Variants in KCNK2 observed in about 807,000 individuals in gnomAD.
The protein encoded by KCNK2 is potassium two pore domain channel subfamily K member 2.
A neutral mutation model predicts 40.5 loss-of-function variants in KCNK2; 21 were observed. The ratio of observed to expected loss-of-function variants is 0.52; its 90% confidence interval spans 0.37 to 0.75. KCNK2 has a LOEUF of 0.75. Ranked by LOEUF, KCNK2 falls within the 30% of genes least tolerant of loss-of-function variation. The pLI is 0.00. For missense variants in KCNK2, 399 were observed against 531.6 expected, an observed-to-expected ratio of 0.75 and a Z score of 2.45; for synonymous variants, 191 against 202.2, an observed-to-expected ratio of 0.94 and a Z score of 0.47.
upstream of KCNK2, chr1:215,005,834 T>C: frequency 8.3e-7 from 1 of 1,208,582 alleles, no homozygotes; most frequent in South Asian, 1.2e-5. Flanking sequence ...CAAGTGACTC[T>C]GTTTTGGAAA....
intron 1 of KCNK2, among the ~76,000 whole-genome samples, chr1:215,017,860 T>G (rs1454866060): frequency 6.6e-6 from 1 of 152,086 alleles, no homozygotes; most frequent in Non-Finnish European, 1.5e-5. Flanking sequence ...TCAATTAAAG[T>G]AAATAAATAG....
At chr1:215,026,375 A>G (rs921861513) in intron 1 of KCNK2, among the ~76,000 whole-genome samples, 1 of 151,992 alleles carries the variant, frequency 6.6e-6, no homozygotes, top group Non-Finnish European at 1.5e-5. Context: ...TTCCCCAGAA[A>G]TCCTAGTAAA....
At chr1:215,185,377 A>T (rs1486563254) in intron 5 of KCNK2, among the ~76,000 whole-genome samples, 3 of 151,908 alleles carry the variant, frequency 2.0e-5, no homozygotes, top group African/African-American at 7.3e-5. Context: ...GTGTCCAGGG[A>T]GTGTTTTTGG....
chr1:215,007,638 C>A (rs1277960437), intron 1 of KCNK2, among the ~76,000 whole-genome samples: 1 of 152,004 alleles, frequency 6.6e-6, no homozygotes, highest in East Asian at 1.9e-4. Flanking sequence ...CCTTCTGCTG[C>A]CACAAGTAGG....
At chr1:215,082,508 T>G (rs952629736), upstream of KCNK2, among the ~76,000 whole-genome samples, 1 of 151,288 alleles carries the variant, frequency 6.6e-6, no homozygotes, top group Non-Finnish European at 1.5e-5. Context: ...AGAGTGAGGA[T>G]TTTGCGGGGT....
intron 3 of KCNK2, among the ~76,000 whole-genome samples, chr1:215,156,277 G>A (rs1662920926): frequency 6.6e-6 from 1 of 152,202 alleles, no homozygotes; most frequent in African/African-American, 2.4e-5. Flanking sequence ...AGACTGTTCA[G>A]CCAGGAGCAG....
chr1:215,030,589 T>C lies in KCNK2; in HGVS notation c.34+24634T>C, dbSNP rs540138418. ...TCACTCTGTGGCCCAGTCTGGAGTG[T>C]AGCGGTGTGATCATGGATCACTGCA... On this transcript the variant is annotated intron_variant, in intron 1 of 6. Transcript: ENST00000391895. 5.9e-5 allele frequency among the ~76,000 whole-genome samples: 9 copies of C among 151,926 alleles called. No individual in the cohort carries two copies. In the South Asian group the frequency reaches 1.9e-3, roughly 32 times the overall value.
intron 3 of KCNK2, among the ~76,000 whole-genome samples, chr1:215,161,033 C>G (rs1280452414): frequency 6.6e-6 from 1 of 152,126 alleles, no homozygotes; most frequent in East Asian, 1.9e-4. Context: ...ATCCATTACT[C>G]ATATCGGAAC....
chr1:215,067,588 C>T (rs1658602276), intron 1 of KCNK2, among the ~76,000 whole-genome samples: 1 of 152,148 alleles, frequency 6.6e-6, no homozygotes, highest in Admixed American at 6.5e-5. Context: ...AAAAAATCAT[C>T]ACACTTGTTG....
At chr1:215,206,921 G>T (rs923271849) in intron 6 of KCNK2, among the ~76,000 whole-genome samples, 5 of 152,178 alleles carry the variant, frequency 3.3e-5, no homozygotes, top group African/African-American at 1.2e-4. Context: ...TAATCAGACA[G>T]TGCTGCTTCT....
intron 5 of KCNK2, among the ~76,000 whole-genome samples, chr1:215,193,820 A>C (rs1571714852): frequency 2.0e-5 from 3 of 152,182 alleles, no homozygotes; most frequent in Non-Finnish European, 2.9e-5. Context: ...TCTTCTACTT[A>C]TCTGCTCTTT....
chr1:215,153,305 A>G (rs1662767410), intron 3 of KCNK2, among the ~76,000 whole-genome samples: 1 of 152,186 alleles, frequency 6.6e-6, no homozygotes, highest in South Asian at 2.1e-4. Context: ...GTAACTAGGT[A>G]TATTCTTAAG....
At chr1:215,023,222 G>A (rs1257827164) in intron 1 of KCNK2, among the ~76,000 whole-genome samples, 1 of 151,868 alleles carries the variant, frequency 6.6e-6, no homozygotes, top group South Asian at 2.1e-4. Flanking sequence ...TATTTTTTTT[G>A]TATCTTTTTT....
intron 2 of KCNK2, among the ~76,000 whole-genome samples, chr1:215,104,470 T>C (rs1660351252): frequency 2.0e-5 from 3 of 152,170 alleles, no homozygotes; most frequent in Admixed American, 2.0e-4. Context: ...TCCCTGCAGG[T>C]GTGACTCACT....
chr1:215,012,219 T>C (rs1656423373), intron 1 of KCNK2, among the ~76,000 whole-genome samples: 1 of 152,138 alleles, frequency 6.6e-6, no homozygotes, highest in Non-Finnish European at 1.5e-5. Context: ...CTATAAGAAA[T>C]TACCAAACCG....
At chr1:215,232,520 G>A (rs1314666181) in intron 6 of KCNK2, among the ~76,000 whole-genome samples, 6 of 152,124 alleles carry the variant, frequency 3.9e-5, no homozygotes, top group Non-Finnish European at 8.8e-5. Context: ...TGTATTTCCA[G>A]TGATAAATTT....
At chr1:215,006,028 A>G in intron 1 of KCNK2, 1 of 1,274,178 alleles carries the variant, frequency 7.8e-7, no homozygotes, top group Non-Finnish European at 1.1e-6. Flanking sequence ...TAGATTTCCA[A>G]GCAAGTATTT....
rs187179135 is a variant in KCNK2, at chr1:215,198,116, C to A, written c.963+3024C>A. On this transcript the variant is annotated intron_variant, in intron 6 of 6. Transcript: ENST00000444842. ...TGAGGTGTAGCATTGTGTTTTCATG[C>A]TAGTTAAACATTGCAGGGTTTTTTG... Among the ~76,000 whole-genome samples, 95 of 152,294 alleles carry A rather than the reference C, an allele frequency of 6.2e-4. 1 individual carries two copies. The highest frequency in any genetic ancestry group is 2.0e-3 in the African/African-American group (84 of 41,568).
intron 1 of KCNK2, among the ~76,000 whole-genome samples, chr1:215,085,600 A>T (rs1659396829): frequency 6.6e-6 from 1 of 152,148 alleles, no homozygotes; most frequent in Non-Finnish European, 1.5e-5. Context: ...TTTTCTTGAT[A>T]TTGTTCACAT....
Sources: gnomAD v4.1 joint callset for allele counts (sites outside exome capture counted in the v4.1 genomes callset) on GRCh38, gnomAD v4.1.1 for gene constraint, MANE v1.5 for transcripts, NCBI Gene and HGNC (gene_info 2026-07-23, HGNC 2026-07-21) for gene names.